Variants in MAP2K1 observed in about 807,000 individuals in gnomAD.
MAP2K1 encodes mitogen-activated protein kinase kinase 1.
Under a neutral mutation model 46.3 loss-of-function variants are expected in MAP2K1, and 16 were observed. The observed-to-expected ratio is 0.35, with a 90% CI of 0.23 to 0.52. MAP2K1 has a LOEUF of 0.52. MAP2K1 is among the 20% of genes least tolerant of loss of function. The pLI, the probability that MAP2K1 is intolerant of heterozygous loss-of-function variation, is 0.94. For synonymous variants in MAP2K1, 183 were observed against 185.6 expected (o/e 0.99, Z 0.11); for missense variants, 263 against 497.1 (o/e 0.53, Z 4.48).
intron 1 of MAP2K1, among the ~76,000 whole-genome samples, chr15:66,400,309 C>G (rs1419160888): frequency 6.6e-6 from 1 of 152,188 alleles, no homozygotes; most frequent in Non-Finnish European, 1.5e-5. Flanking sequence ...CAGGTGTCAG[C>G]CACTGTGCCC....
At chr15:66,468,846 G>A (rs940203361) in intron 5 of MAP2K1, among the ~76,000 whole-genome samples, 19 of 151,854 alleles carry the variant, frequency 1.3e-4, no homozygotes, top group African/African-American at 2.9e-4. Context: ...CAGGAGAATC[G>A]CTTGAACCCA....
Position 66,401,027 on chromosome 15 carries a change from T to C in MAP2K1, c.80+13600T>C, listed in dbSNP as rs187949834. On this transcript the variant is annotated intron_variant, in intron 1 of 10. Transcript: ENST00000307102. The stretch of plus-strand genomic sequence containing the variant: ...TGTGTTTATTCCATTGTATATGTTT[T>C]TGGATAGTCGAGATCAGTTGATTTT... Among the ~76,000 whole-genome samples, 237 of 152,374 alleles carry C rather than the reference T, an allele frequency of 1.6e-3. 1 individual carries two copies. The highest frequency in any genetic ancestry group is 5.4e-3 in the African/African-American group (226 of 41,590).
chr15:66,441,487 A>C (rs1374053641), intron 3 of MAP2K1, among the ~76,000 whole-genome samples: 1 of 151,768 alleles, frequency 6.6e-6, no homozygotes, highest in Non-Finnish European at 1.5e-5. Context: ...CCTGGGCAAC[A>C]AAGTGAGACT....
At chr15:66,415,295 A>T (rs1375888353) in intron 1 of MAP2K1, 1 of 336,530 alleles carries the variant, frequency 3.0e-6, no homozygotes, top group African/African-American at 2.2e-5. Context: ...ATCAGGGCCC[A>T]CTGTGAATAA....
chr15:66,480,697 C>T (rs1567024468), intron 5 of MAP2K1, among the ~76,000 whole-genome samples: 1 of 152,046 alleles, frequency 6.6e-6, no homozygotes, highest in Non-Finnish European at 1.5e-5. Flanking sequence ...TCTAGATGTC[C>T]TATATGGTGT....
intron 8 of MAP2K1, among the ~76,000 whole-genome samples, chr15:66,487,587 A>AAAAAC (rs1332452606): frequency 6.6e-6 from 1 of 151,790 alleles, no homozygotes; most frequent in South Asian, 2.1e-4. Context: ...TGACTCTGGG[A>AAAAAC]AAAACAAAAC....
chr15:66,487,410 G>A (rs921058158), intron 8 of MAP2K1, 118 bp downstream of exon 8: 14 of 945,652 alleles, frequency 1.5e-5, no homozygotes, highest in African/African-American at 4.9e-5. Flanking sequence ...AGGCTGAGGC[G>A]GGTGGATCAC....
intron 7 of MAP2K1, among the ~76,000 whole-genome samples, chr15:66,485,991 T>C (rs1269485435): frequency 6.6e-6 from 1 of 152,092 alleles, no homozygotes. Context: ...CTTGACCTCT[T>C]GGGCTCAAGT....
At chr15:66,436,476 C>T (rs2093488365) in intron 2 of MAP2K1, among the ~76,000 whole-genome samples, 1 of 152,174 alleles carries the variant, frequency 6.6e-6, no homozygotes, top group Non-Finnish European at 1.5e-5. Context: ...TATCTGAGCT[C>T]CAAAGCCTCT....
At chr15:66,484,962 T>C (rs2140673476) in intron 6 of MAP2K1, 28 bp from the exon 7 acceptor site, 1 of 1,594,606 alleles carries the variant, frequency 6.3e-7, no homozygotes, top group Non-Finnish European at 8.6e-7. Flanking sequence ...TTAGGTTAGG[T>C]GATTATCACT....
intron 1 of MAP2K1, among the ~76,000 whole-genome samples, chr15:66,428,773 CTTTTT>C (rs1196428468): frequency 9.0e-5 from 7 of 78,196 alleles, no homozygotes; most frequent in African/African-American, 1.7e-4. Flanking sequence ...ATTTTCTTTC[CTTTTT>C]TTTTTTTTTT....
intron 1 of MAP2K1, among the ~76,000 whole-genome samples, chr15:66,434,031 C>G (rs1347069): frequency 6.6e-6 from 1 of 152,118 alleles, no homozygotes; most frequent in Admixed American, 6.5e-5. Flanking sequence ...TTACCAAGAG[C>G]CAGCTTGTTC....
intron 1 of MAP2K1, among the ~76,000 whole-genome samples, chr15:66,392,336 G>C (rs145878627): frequency 1.6e-5 from 2 of 122,962 alleles, no homozygotes; most frequent in Non-Finnish European, 3.2e-5. Flanking sequence ...GTGCCACCAC[G>C]CCCTGCTAAG....
intron 1 of MAP2K1, among the ~76,000 whole-genome samples, chr15:66,427,976 T>C (rs2093463644): frequency 6.6e-6 from 1 of 152,076 alleles, no homozygotes. Flanking sequence ...ATTGCGCCAT[T>C]GCATTCCAGC....
At chr15:66,441,791 A>C (rs1218466937) in intron 3 of MAP2K1, among the ~76,000 whole-genome samples, 5 of 152,106 alleles carry the variant, frequency 3.3e-5, no homozygotes, top group African/African-American at 1.2e-4. Context: ...ATACAGAGGC[A>C]TTTGATAAAT....
At chr15:66,399,457 T>G (rs1313860520) in intron 1 of MAP2K1, among the ~76,000 whole-genome samples, 1 of 121,858 alleles carries the variant, frequency 8.2e-6, no homozygotes, top group East Asian at 2.2e-4. Flanking sequence ...CACCCCCTCT[T>G]TTTTTTTGAG....
rs1174431450 is a variant in MAP2K1, at chr15:66,420,715, A to ATATATATATATG, written c.81-14305_81-14304insATATGTATATAT. On this transcript the variant is annotated intron_variant, in intron 1 of 10. Coordinates refer to ENST00000307102, the MANE Select transcript of MAP2K1 (RefSeq NM_002755.4). ...TAATACTTACTCTTGGCATATATATATATATATGTGTGTGTGTGTGTGTGT... is the reference window on the plus strand; with the variant it reads ...TAATACTTACTCTTGGCATATATATATATATATATATGTATATATGTGTGTGTGTGTGTGTGT... Among the ~76,000 whole-genome samples the ATATATATATATG allele has an allele frequency of 8.2e-4, 28 of 33,988 alleles. 3 individuals carry two copies. The highest frequency in any genetic ancestry group is 8.0e-3 in the Admixed American group (26 of 3,256). 22.3% of individuals were successfully genotyped at this position (33,988 alleles called of 152,430 possible).
chr15:66,394,610 C>T (rs2093363514), intron 1 of MAP2K1, among the ~76,000 whole-genome samples: 1 of 152,020 alleles, frequency 6.6e-6, no homozygotes, highest in African/African-American at 2.4e-5. Flanking sequence ...CATGTACCAC[C>T]ATGCCTGGCT....
At chr15:66,412,022 T>G (rs1251812283) in intron 1 of MAP2K1, among the ~76,000 whole-genome samples, 1 of 152,228 alleles carries the variant, frequency 6.6e-6, no homozygotes, top group Non-Finnish European at 1.5e-5. Context: ...GTCCTTTTTG[T>G]TAAGAATATA....
Sources: allele counts gnomAD v4.1 joint callset (sites outside exome capture counted in the v4.1 genomes callset), GRCh38; gene constraint gnomAD v4.1.1; transcripts MANE v1.5; gene names NCBI Gene and HGNC (gene_info 2026-07-23, HGNC 2026-07-21).